The following SND1 variants were observed in gnomAD, a reference collection of about 807,000 sequenced individuals.
The protein encoded by SND1 is staphylococcal nuclease domain-containing protein 1.
A neutral mutation model predicts 121.7 loss-of-function variants in SND1; 38 were observed. The observed-to-expected ratio is 0.31, with a 90% CI of 0.24 to 0.41. SND1 has a LOEUF of 0.41. Ranked by LOEUF, SND1 falls within the 10% of genes least tolerant of loss-of-function variation. The pLI is 1.00. For missense variants in SND1, 868 were observed against 1,184.6 expected (o/e 0.73, Z 3.92); for synonymous variants, 401 against 447.4 (o/e 0.90, Z 1.31).
intron 1 of SND1, among the ~76,000 whole-genome samples, chr7:127,672,798 G>C (rs1475905451): frequency 6.6e-6 from 1 of 151,814 alleles, no homozygotes; most frequent in African/African-American, 2.4e-5. Flanking sequence ...TTTTTTCCAA[G>C]AGTTACTTTA....
At chr7:127,897,449 G>A (rs1800143020) in intron 13 of SND1, among the ~76,000 whole-genome samples, 2 of 152,036 alleles carry the variant, frequency 1.3e-5, no homozygotes, top group African/African-American at 4.8e-5. Context: ...AGGATCTAGT[G>A]GTGATTTCAG....
At chr7:128,011,750 G>A (rs1003320219) in intron 16 of SND1, among the ~76,000 whole-genome samples, 23 of 152,256 alleles carry the variant, frequency 1.5e-4, no homozygotes, top group African/African-American at 5.5e-4. Context: ...GCATAATAAT[G>A]GCATTGTGGT....
chr7:127,704,390 T>G (rs1215919746), intron 7 of SND1, among the ~76,000 whole-genome samples: 1 of 152,208 alleles, frequency 6.6e-6, no homozygotes, highest in African/African-American at 2.4e-5. Flanking sequence ...GAATTTTAAT[T>G]CACTGGGCAA....
At chr7:127,801,287 G>A (rs907899415) in intron 10 of SND1, among the ~76,000 whole-genome samples, 1 of 152,132 alleles carries the variant, frequency 6.6e-6, no homozygotes, top group East Asian at 1.9e-4. Context: ...TATGTTGGAG[G>A]TACTGTATCT....
At chr7:127,722,765 A>G (rs80043453) in intron 10 of SND1, among the ~76,000 whole-genome samples, 2 of 152,182 alleles carry the variant, frequency 1.3e-5, no homozygotes, top group Non-Finnish European at 1.5e-5. Flanking sequence ...AAAACCACGT[A>G]CAGGATGGGT....
chr7:127,993,692 C>G (rs931701400), intron 16 of SND1, among the ~76,000 whole-genome samples: 1 of 152,242 alleles, frequency 6.6e-6, no homozygotes, highest in African/African-American at 2.4e-5. Flanking sequence ...TGCCCCATCC[C>G]TTCCCTTTAA....
At chr7:127,717,693 CCA>C (rs1437839320) in intron 9 of SND1, among the ~76,000 whole-genome samples, 1 of 152,148 alleles carries the variant, frequency 6.6e-6, no homozygotes, top group Non-Finnish European at 1.5e-5. Flanking sequence ...CGTCATCAAA[CCA>C]CAGTCTCTGG....
At chr7:127,899,087 A>G (rs566390752) in intron 13 of SND1, among the ~76,000 whole-genome samples, 4 of 152,302 alleles carry the variant, frequency 2.6e-5, no homozygotes, top group South Asian at 2.1e-4. Flanking sequence ...ATTGAACTAG[A>G]TGGCCCTGAA....
intron 10 of SND1, among the ~76,000 whole-genome samples, chr7:127,735,011 A>G (rs149978800): frequency 5.8e-4 from 89 of 152,228 alleles, no homozygotes; most frequent in African/African-American, 1.4e-3. Flanking sequence ...TGAGTAAAGG[A>G]GGTTGCTGGA....
chr7:127,793,498 C>T (rs762796084), intron 10 of SND1, among the ~76,000 whole-genome samples: 26 of 151,954 alleles, frequency 1.7e-4, no homozygotes, highest in Non-Finnish European at 2.5e-4. Flanking sequence ...TTTAGAGTGG[C>T]GCCAACCCTT....
intron 16 of SND1, among the ~76,000 whole-genome samples, chr7:128,070,625 G>T (rs942522622): frequency 1.2e-4 from 19 of 152,222 alleles, no homozygotes; most frequent in African/African-American, 4.6e-4. Context: ...AATGCTTGCA[G>T]TAGCCAGTTG....
At chr7:127,848,184 C>T (rs966792867) in intron 12 of SND1, among the ~76,000 whole-genome samples, 2 of 152,220 alleles carry the variant, frequency 1.3e-5, no homozygotes, top group Non-Finnish European at 2.9e-5. Context: ...TGCAAGACAA[C>T]TTAAACAATG....
At chr7:127,890,994 C>G (rs1455444974) in intron 13 of SND1, among the ~76,000 whole-genome samples, 1 of 152,004 alleles carries the variant, frequency 6.6e-6, no homozygotes, top group Non-Finnish European at 1.5e-5. Flanking sequence ...AAATACAGGC[C>G]CCATAAAGAA....
chr7:127,856,068 A>C (rs1799267211), intron 12 of SND1, among the ~76,000 whole-genome samples: 2 of 152,178 alleles, frequency 1.3e-5, no homozygotes, highest in South Asian at 4.1e-4. Context: ...TTTCCCCCTA[A>C]GTATTGAATG....
At chr7:127,678,779 A>G (rs1001160653) in intron 1 of SND1, among the ~76,000 whole-genome samples, 1 of 152,186 alleles carries the variant, frequency 6.6e-6, no homozygotes, top group Non-Finnish European at 1.5e-5. Context: ...CCTGATATGC[A>G]TTTTGAAATA....
chr7:128,052,925 G>A lies in SND1; in HGVS notation c.1780-21577G>A, dbSNP rs1793071337. Among the ~76,000 whole-genome samples, 1 of 152,236 alleles carries A rather than the reference G, an allele frequency of 6.6e-6. No homozygotes were observed. Among genetic ancestry groups the A allele is most frequent in the Non-Finnish European group, 1.5e-5 (1 of 68,046 alleles). ...AGAGCTGGTACCTACTGTATGGATA[G>A]TGCAAGTCTAGAACACACAAGAATT... On this transcript the variant is annotated intron_variant, in intron 16 of 23. Coordinates refer to ENST00000354725, the MANE Select transcript of SND1 (RefSeq NM_014390.4). This position sits in a 1 kb window ranked among gnomAD's most constrained non-coding sequence, Gnocchi z 4.6.
intron 10 of SND1, among the ~76,000 whole-genome samples, chr7:127,771,603 A>G (rs1209064630): frequency 6.6e-6 from 1 of 152,270 alleles, no homozygotes; most frequent in Middle Eastern, 3.4e-3. Context: ...GAGATATATC[A>G]TCAATTAAAA....
At chr7:127,849,274 C>G (rs942367406) in intron 12 of SND1, among the ~76,000 whole-genome samples, 6 of 152,196 alleles carry the variant, frequency 3.9e-5, no homozygotes, top group African/African-American at 1.2e-4. Context: ...TTCTTTCGTT[C>G]TTGCCAGAGC....
At chr7:127,664,100 G>A (rs1795367876) in intron 1 of SND1, among the ~76,000 whole-genome samples, 1 of 152,096 alleles carries the variant, frequency 6.6e-6, no homozygotes, top group Admixed American at 6.5e-5. Context: ...ACCACAACTC[G>A]CTGCAGCCTC....
Sources: allele counts gnomAD v4.1 joint callset (sites outside exome capture counted in the v4.1 genomes callset), GRCh38; gene constraint gnomAD v4.1.1; non-coding constraint Gnocchi (gnomAD v3.1); transcripts MANE v1.5; gene names NCBI Gene and HGNC (gene_info 2026-07-23, HGNC 2026-07-21).